Variants in ELMO1 observed in about 807,000 individuals in gnomAD.
ELMO1 encodes engulfment and cell motility protein 1.
Under a neutral mutation model 98.9 loss-of-function variants are expected in ELMO1, and 26 were observed. The observed-to-expected ratio is 0.26, with a 90% CI of 0.19 to 0.36. ELMO1 has a LOEUF of 0.36. Ranked by LOEUF, ELMO1 falls within the 10% of genes least tolerant of loss-of-function variation. ELMO1 has a pLI of 1.00. For missense variants in ELMO1, 627 were observed against 935.2 expected (o/e 0.67, Z 4.30); for synonymous variants, 346 against 346.0 (o/e 1.00, Z 0.00).
intron 16 of ELMO1, among the ~76,000 whole-genome samples, chr7:37,012,122 G>A (rs561499139): frequency 3.3e-4 from 50 of 152,328 alleles, no homozygotes; most frequent in African/African-American, 5.5e-4. Flanking sequence ...AGGACAGATC[G>A]TTGGGATGAC....
intron 8 of ELMO1, among the ~76,000 whole-genome samples, chr7:37,231,751 C>T (rs990660747): frequency 6.6e-6 from 1 of 152,134 alleles, no homozygotes; most frequent in South Asian, 2.1e-4. Flanking sequence ...GCCGGCATTG[C>T]ACCACAGCTT....
chr7:36,861,459 T>C (rs1327506505), intron 21 of ELMO1, among the ~76,000 whole-genome samples, 200 bp downstream of exon 21: 1 of 152,096 alleles, frequency 6.6e-6, no homozygotes, highest in East Asian at 1.9e-4. Flanking sequence ...CCATGAACTA[T>C]CAATCAAGCT....
rs565250712 is a variant in ELMO1 at position 36,897,909 on chromosome 7, T to C, written c.1438-2892A>G. Among the ~76,000 whole-genome samples, 8 of 152,310 alleles carry C rather than the reference T, an allele frequency of 5.3e-5. No individual in the cohort carries two copies. In the South Asian group the frequency reaches 1.5e-3, roughly 28 times the overall value. ...TAGGCAGAAGGAAAAAGCAGGCACC[T>C]GGCCCCAGAGGAAGGGATATAAGCA... is the stretch of plus-strand genomic sequence containing the variant. On this transcript the variant is annotated intron_variant, in intron 16 of 21. Coordinates refer to ENST00000310758, the MANE Select transcript of ELMO1 (RefSeq NM_014800.11).
intron 15 of ELMO1, among the ~76,000 whole-genome samples, chr7:37,049,777 C>CTTTTTTTT (rs34896674): frequency 7.6e-6 from 1 of 131,066 alleles, no homozygotes; most frequent in Non-Finnish European, 1.6e-5. Context: ...TGTTTTGTTT[C>CTTTTTTTT]TTTTTTTTTT....
chr7:37,195,299 G>A (rs975777639), intron 13 of ELMO1, among the ~76,000 whole-genome samples: 5 of 152,204 alleles, frequency 3.3e-5, no homozygotes, highest in African/African-American at 1.2e-4. Flanking sequence ...CTAGAGAGAG[G>A]CCTGTCCGCA....
At chr7:37,392,767 G>A (rs962055128) in intron 1 of ELMO1, among the ~76,000 whole-genome samples, 3 of 152,188 alleles carry the variant, frequency 2.0e-5, no homozygotes, top group Non-Finnish European at 4.4e-5. Context: ...CTACAGGGAG[G>A]AAATCTGCTA....
At chr7:36,922,569 A>T (rs1342665635) in intron 16 of ELMO1, among the ~76,000 whole-genome samples, 2 of 152,166 alleles carry the variant, frequency 1.3e-5, no homozygotes, top group Non-Finnish European at 2.9e-5. Flanking sequence ...CTTCCCAAAG[A>T]TGACTTGACA....
At chr7:37,190,040 C>CAAAAAAAAA (rs34898853) in intron 13 of ELMO1, among the ~76,000 whole-genome samples, 2 of 135,840 alleles carry the variant, frequency 1.5e-5, no homozygotes, top group Non-Finnish European at 3.1e-5. Flanking sequence ...TTGTCCCTAC[C>CAAAAAAAAA]AAAAAAAAAA....
intron 14 of ELMO1, among the ~76,000 whole-genome samples, chr7:37,124,155 A>C (rs1199363346): frequency 6.6e-6 from 1 of 152,200 alleles, no homozygotes; most frequent in Non-Finnish European, 1.5e-5. Flanking sequence ...AGAGCTATCT[A>C]TGACAAACCC....
At chr7:37,436,306 C>T (rs1416323795) in intron 1 of ELMO1, among the ~76,000 whole-genome samples, 1 of 152,196 alleles carries the variant, frequency 6.6e-6, no homozygotes, top group Non-Finnish European at 1.5e-5. Flanking sequence ...ACTGTAGTTG[C>T]TGAATAACCC....
intron 14 of ELMO1, among the ~76,000 whole-genome samples, chr7:37,104,576 C>T (rs1201709433): frequency 3.3e-5 from 5 of 152,224 alleles, no homozygotes; most frequent in Non-Finnish European, 7.3e-5. Context: ...CATCCCTTCA[C>T]CTTCCCTGAG....
intron 5 of ELMO1, among the ~76,000 whole-genome samples, chr7:37,267,268 G>A (rs1683174114): frequency 6.6e-6 from 1 of 151,932 alleles, no homozygotes; most frequent in African/African-American, 2.4e-5. Flanking sequence ...TGTGTTAATG[G>A]CATACTTTAG....
chr7:36,916,708 CCA>C (rs1478289173), intron 16 of ELMO1, among the ~76,000 whole-genome samples: 1 of 152,234 alleles, frequency 6.6e-6, no homozygotes, highest in African/African-American at 2.4e-5. Flanking sequence ...CTCTGGTTCC[CCA>C]GTTTCCACCC....
At chr7:37,357,298 G>T (rs905297813) in intron 1 of ELMO1, among the ~76,000 whole-genome samples, 1 of 152,036 alleles carries the variant, frequency 6.6e-6, no homozygotes, top group Non-Finnish European at 1.5e-5. Flanking sequence ...CCTGTCTTTG[G>T]TTTCAGGAGT....
intron 4 of ELMO1, among the ~76,000 whole-genome samples, chr7:37,286,736 T>C (rs1797409111): frequency 6.6e-6 from 1 of 152,236 alleles, no homozygotes; most frequent in African/African-American, 2.4e-5. Flanking sequence ...CAGCCTTAGA[T>C]AATGAAATAT....
chr7:37,192,931 T>C (rs1488750205), intron 13 of ELMO1, among the ~76,000 whole-genome samples: 1 of 143,296 alleles, frequency 7.0e-6, no homozygotes, highest in African/African-American at 2.6e-5. Context: ...TATATATAAT[T>C]TATATATAGA....
At chr7:37,284,804 ATATTCCAGT>A (rs1797310351) in intron 4 of ELMO1, among the ~76,000 whole-genome samples, 1 of 152,076 alleles carries the variant, frequency 6.6e-6, no homozygotes, top group African/African-American at 2.4e-5. Flanking sequence ...GCAAGCCCAA[ATATTCCAGT>A]TATTCATTTA....
chr7:37,086,330 CTGTGTGTGTG>C (rs58906590), intron 15 of ELMO1, among the ~76,000 whole-genome samples: 56 of 143,178 alleles, frequency 3.9e-4, no homozygotes, highest in African/African-American at 1.1e-3. Flanking sequence ...CAATACATGA[CTGTGTGTGTG>C]TGTGTGTGTG....
intron 15 of ELMO1, 117 bp from the exon 16 acceptor site, chr7:37,013,552 T>C: frequency 8.1e-7 from 1 of 1,241,004 alleles, no homozygotes; most frequent in Non-Finnish European, 1.1e-6. Flanking sequence ...GTTCAGGCAA[T>C]AATGGTGAAA....
Sources: gnomAD v4.1 joint callset for allele counts (sites outside exome capture counted in the v4.1 genomes callset) on GRCh38, gnomAD v4.1.1 for gene constraint, MANE v1.5 for transcripts, NCBI Gene and HGNC (gene_info 2026-07-23, HGNC 2026-07-21) for gene names.